The following WDTC1 variants were observed in gnomAD, a reference collection of about 807,000 sequenced individuals.
The protein encoded by WDTC1 is WD and tetratricopeptide repeats protein 1.
Under a neutral mutation model 76.0 loss-of-function variants are expected in WDTC1, and 12 were observed. That is an observed-to-expected ratio of 0.16 (90% confidence interval 0.10 to 0.26). The LOEUF (loss-of-function observed/expected upper bound fraction) is 0.26. Ranked by LOEUF, WDTC1 falls within the 10% of genes least tolerant of loss-of-function variation. WDTC1 has a pLI of 1.00. For synonymous variants in WDTC1, 326 were observed against 350.8 expected (o/e 0.93, Z 0.79); for missense variants, 511 against 908.8 (o/e 0.56, Z 5.63).
intron 3 of WDTC1, 118 bp downstream of exon 3, chr1:27,263,353 C>G (rs2012547298): frequency 1.2e-6 from 1 of 828,528 alleles, no homozygotes; most frequent in African/African-American, 1.8e-5. Flanking sequence ...CCATATCTGA[C>G]AGTTACTTCT....
intron 14 of WDTC1, 180 bp from the exon 15 acceptor site, chr1:27,304,821 G>C (rs776985812): frequency 3.9e-5 from 23 of 586,880 alleles, no homozygotes; most frequent in Non-Finnish European, 6.1e-5. Flanking sequence ...CTAGGTTTAA[G>C]AGAACAGTGA....
chr1:27,237,260 C>T (rs2011509667), intron 1 of WDTC1, among the ~76,000 whole-genome samples: 1 of 152,204 alleles, frequency 6.6e-6, no homozygotes, highest in Non-Finnish European at 1.5e-5. Context: ...CAGACACGGC[C>T]TCCGTGACCA....
chr1:27,306,922 A>G lies in WDTC1; in HGVS notation c.*539A>G. 1 of 158,400 alleles carries G rather than the reference A, an allele frequency of 6.3e-6. No homozygotes were observed. Among genetic ancestry groups the G allele is most frequent in the Non-Finnish European group, 1.4e-5 (1 of 71,522 alleles). 9.8% of individuals were successfully genotyped at this position (158,400 alleles called of 1,614,324 possible). ...CCACCAGTGTTAGAGCGGAGCCCAA[A>G]GGAAGGATGGGAGCCCTGGAGTGGG... On this transcript the variant is annotated 3_prime_UTR_variant, in exon 16 of 16. Coordinates refer to ENST00000319394, the MANE Select transcript of WDTC1 (RefSeq NM_001276252.2). This position sits in a 1 kb window ranked among gnomAD's most constrained non-coding sequence, Gnocchi z 5.0.
At chr1:27,269,202 G>T (rs1257361632) in intron 3 of WDTC1, among the ~76,000 whole-genome samples, 1 of 141,872 alleles carries the variant, frequency 7.0e-6, no homozygotes, top group Non-Finnish European at 1.5e-5. Flanking sequence ...TCAGCTAGGT[G>T]TGGAGGCACA....
rs2013875001 is a variant in WDTC1 at position 27,303,273 on chromosome 1, A to AG, written c.1469-348_1469-347insG. Among the ~76,000 whole-genome samples, 1 of 151,792 alleles carries AG rather than the reference A, an allele frequency of 6.6e-6. No individual in the cohort carries two copies. Among genetic ancestry groups the AG allele is most frequent in the Non-Finnish European group, 1.5e-5 (1 of 67,938 alleles). ...TGCGTGACCATCTCAAAAAAAAAAA[A>AG]AAAAGTCATCCATTCTCTCTTTGCT... On this transcript the variant is annotated intron_variant, in intron 13 of 15. Coordinates refer to ENST00000319394, the MANE Select transcript of WDTC1 (RefSeq NM_001276252.2). The surrounding 1 kb of genome is among the most constrained non-coding windows in gnomAD (Gnocchi z 4.8).
intron 2 of WDTC1, 49 bp downstream of exon 2, chr1:27,261,151 A>C: frequency 6.2e-7 from 1 of 1,609,098 alleles, no homozygotes; most frequent in Non-Finnish European, 8.5e-7. Context: ...TTTCTTTCCC[A>C]CAGATTGATT....
Position 27,292,320 on chromosome 1 carries a change from G to A in WDTC1, c.585G>A (p.Gln195=). 6.2e-7 allele frequency: 1 copy of A among 1,613,176 alleles called. No individual in the cohort carries two copies. The highest frequency in any genetic ancestry group is 8.5e-7 in the Non-Finnish European group (1 of 1,179,596). ...CCAAGTGCCTCACTGTCAACCCCCAGGACAACAACTGCCTGGCAGTTGGGG... is the reference window on the plus strand; with the variant it reads ...CCAAGTGCCTCACTGTCAACCCCCAAGACAACAACTGCCTGGCAGTTGGGG... ...VEAKCLTVNP[Q]DNNCLAVGAS... The change falls in exon 7 of 16, where the codon CAG becomes CAA. Residue 195 remains glutamine (Q), a synonymous_variant. Coordinates refer to ENST00000319394, the MANE Select transcript of WDTC1 (RefSeq NM_001276252.2).
intron 3 of WDTC1, among the ~76,000 whole-genome samples, chr1:27,271,906 G>A (rs2012878969): frequency 6.6e-6 from 1 of 150,492 alleles, no homozygotes; most frequent in African/African-American, 2.4e-5. Flanking sequence ...CAAAGTGCTG[G>A]GATTATAGGC....
Position 27,306,298 on chromosome 1 carries a change from G to A in WDTC1, c.1949G>A (p.Arg650Gln), listed in dbSNP as rs1477182799. 10 of 1,614,088 alleles carry A rather than the reference G, an allele frequency of 6.2e-6. No homozygotes were observed. The highest frequency in any genetic ancestry group is 1.6e-4 in the Middle Eastern group (1 of 6,062). Reference protein sequence around the residue: ...LEVMLLNMGYRITGLSSGGAG... With the variant: ...LEVMLLNMGYQITGLSSGGAG... ...GTGATGCTGCTCAACATGGGCTACC[G>A]GATCACGGGCCTGAGCAGTGGGGGT... The change falls in exon 16 of 16, where the codon CGG becomes CAG. Residue 650 changes from arginine to glutamine, a missense_variant. Coordinates refer to ENST00000319394, the MANE Select transcript of WDTC1 (RefSeq NM_001276252.2). The surrounding 1 kb of genome is among the most constrained non-coding windows in gnomAD (Gnocchi z 5.0).
In WDTC1 at chr1:27,292,379, G is replaced by A. The variant is rs751733642; in HGVS notation, c.644G>A (p.Arg215His). ...CCCTTCGTGAGGCTCTATGACATCC[G>A]CATGATCCATAACCACAGGTATGAA... ...SGPFVRLYDI[R>H]MIHNHRKSMK... is the part of the protein sequence containing the mutation. Residue 215 changes from arginine to histidine, a missense_variant, in exon 7 of 16, where the codon CGC (arginine) becomes CAC (histidine). By Grantham distance (29) the Arg-to-His change is conservative. Coordinates refer to ENST00000319394, the MANE Select transcript of WDTC1 (RefSeq NM_001276252.2). 2 of 1,604,148 alleles carry A rather than the reference G, an allele frequency of 1.2e-6. No individual in the cohort carries two copies. The highest frequency in any genetic ancestry group is 1.7e-6 in the Non-Finnish European group (2 of 1,174,920).
chr1:27,300,914 T>G (rs530680495), intron 12 of WDTC1, among the ~76,000 whole-genome samples: 1 of 152,294 alleles, frequency 6.6e-6, no homozygotes, highest in African/African-American at 2.4e-5. Flanking sequence ...TGCCAGGCCT[T>G]CTGCTGCAGA....
In WDTC1 at chr1:27,282,261, G is replaced by C; in HGVS notation, c.155G>C (p.Cys52Ser). 1 of 1,613,886 alleles carries C rather than the reference G, an allele frequency of 6.2e-7. No homozygotes were observed. The highest frequency in any genetic ancestry group is 8.5e-7 in the Non-Finnish European group (1 of 1,179,836). ...CAGGGTCACTCAGGATGTGTCAACT[G>C]TCTGGAGTGGAATGAGAAAGGAGAG... ...ELQGHSGCVN[C>S]LEWNEKGDLL... The change falls in exon 4 of 16, where the codon TGT (cysteine) becomes TCT (serine). Residue 52 changes from cysteine (C) to serine (S), a missense_variant. Physicochemically the swap from Cys to Ser is moderately radical, Grantham distance 112 (BLOSUM62 -1). Coordinates refer to ENST00000319394, the MANE Select transcript of WDTC1 (RefSeq NM_001276252.2).
intron 3 of WDTC1, among the ~76,000 whole-genome samples, chr1:27,273,528 A>G (rs1402510614): frequency 6.6e-6 from 1 of 152,064 alleles, no homozygotes; most frequent in East Asian, 1.9e-4. Context: ...TTTCTTAATG[A>G]CATTAAGAAA....
intron 6 of WDTC1, among the ~76,000 whole-genome samples, chr1:27,290,023 T>C (rs540408413): frequency 2.3e-4 from 23 of 97,924 alleles, no homozygotes; most frequent in Non-Finnish European, 3.4e-4. Flanking sequence ...AGGGAGACCG[T>C]GGGGAGAGGG....
rs2013835176 is a variant in WDTC1, at chr1:27,301,672, C to T, written c.1468+211C>T. Among the ~76,000 whole-genome samples, 1 of 152,066 alleles carries T rather than the reference C, an allele frequency of 6.6e-6. No individual in the cohort carries two copies. Among genetic ancestry groups the T allele is most frequent in the Non-Finnish European group, 1.5e-5 (1 of 68,028 alleles). On this transcript the variant is annotated intron_variant, in intron 13 of 15. Transcript: ENST00000319394. The surrounding 1 kb of genome is among the most constrained non-coding windows in gnomAD (Gnocchi z 5.8). ...TGCCAGCACCTCCCACTGAGCGTTTCTATTGAGGATCAGCATGTTTAAATG... is the reference window on the plus strand; with the variant it reads ...TGCCAGCACCTCCCACTGAGCGTTTTTATTGAGGATCAGCATGTTTAAATG...
At chr1:27,259,463 C>T (rs1288000236) in intron 1 of WDTC1, among the ~76,000 whole-genome samples, 1 of 151,628 alleles carries the variant, frequency 6.6e-6, no homozygotes, top group Admixed American at 6.6e-5. Context: ...CCACTCTGCC[C>T]AGCCATATTT....
chr1:27,287,871 T>C lies in WDTC1; in HGVS notation c.479+10T>C. 2 of 1,610,850 alleles carry C rather than the reference T, an allele frequency of 1.2e-6. No homozygotes were observed. The highest frequency in any genetic ancestry group is 8.5e-7 in the Non-Finnish European group (1 of 1,178,414). ...AGGATGGGCTTATCCGGTAAGAGTC[T>C]GGGGCATCTAGTGGAGCCTGTCGCT... On this transcript the variant is annotated intron_variant, in intron 6 of 15. Transcript: ENST00000319394.
At chr1:27,297,266 C>A in intron 11 of WDTC1, 110 bp downstream of exon 11, 1 of 1,000,078 alleles carries the variant, frequency 1.0e-6, no homozygotes, top group Non-Finnish European at 1.5e-6. Flanking sequence ...ACTCATGCAT[C>A]CCAGAGAGTG....
chr1:27,249,656 G>A (rs998762330), intron 1 of WDTC1, among the ~76,000 whole-genome samples: 2 of 151,848 alleles, frequency 1.3e-5, no homozygotes, highest in African/African-American at 2.4e-5. Flanking sequence ...ATAGCTCACT[G>A]TAACTTCAAA....
Sources: allele counts gnomAD v4.1 joint callset (sites outside exome capture counted in the v4.1 genomes callset), GRCh38; gene constraint gnomAD v4.1.1; non-coding constraint Gnocchi (gnomAD v3.1); transcripts MANE v1.5; gene names NCBI Gene and HGNC (gene_info 2026-07-23, HGNC 2026-07-21).